The following GULP1 variants were observed in gnomAD, a reference collection of about 807,000 sequenced individuals.
GULP1 encodes GULP PTB domain containing engulfment adaptor 1.
In GULP1, 19 loss-of-function variants were observed where a neutral mutation model predicts 40.9. The ratio of observed to expected loss-of-function variants is 0.46; its 90% CI spans 0.32 to 0.68. The LOEUF (loss-of-function observed/expected upper bound fraction) is 0.68. Ranked by LOEUF, GULP1 falls within the 30% of genes least tolerant of loss-of-function variation. The pLI, the probability that GULP1 is intolerant of heterozygous loss-of-function variation, is 0.03. For missense variants in GULP1, 312 were observed against 362.2 expected (o/e 0.86, Z 1.12); for synonymous variants, 119 against 117.6 (o/e 1.01, Z -0.08).
In GULP1 at chr2:188,574,798, A is replaced by G. The variant is rs532955683; in HGVS notation, c.609+4678A>G. 2.0e-5 allele frequency among the ~76,000 whole-genome samples: 3 copies of G among 152,300 alleles called. No individual in the cohort carries two copies. In the East Asian group the frequency reaches 5.8e-4, roughly 29 times the overall value. ...CAAATCTACCAAATCGTCTAATAATATATTACAGTCTTATTGATGTTGATA... is the reference window on the plus strand; with the variant it reads ...CAAATCTACCAAATCGTCTAATAATGTATTACAGTCTTATTGATGTTGATA... On this transcript the variant is annotated intron_variant, in intron 9 of 11. Coordinates refer to ENST00000409830, the MANE Select transcript of GULP1 (RefSeq NM_016315.4).
chr2:188,492,054 A>G (rs889314853), intron 4 of GULP1, among the ~76,000 whole-genome samples: 4 of 152,064 alleles, frequency 2.6e-5, no homozygotes, highest in African/African-American at 9.7e-5. Flanking sequence ...AGTATATCAG[A>G]TAGTATTAAA....
intron 2 of GULP1, among the ~76,000 whole-genome samples, chr2:188,439,593 G>A (rs2057739169): frequency 6.6e-6 from 1 of 152,108 alleles, no homozygotes; most frequent in African/African-American, 2.4e-5. Flanking sequence ...ACTGGTGTGT[G>A]TGTGTATGCG....
At chr2:188,302,353 T>A (rs2036277734) in intron 1 of GULP1, among the ~76,000 whole-genome samples, 1 of 152,152 alleles carries the variant, frequency 6.6e-6, no homozygotes, top group Non-Finnish European at 1.5e-5. Context: ...AAATATAAAT[T>A]CATAATCTAA....
intron 4 of GULP1, among the ~76,000 whole-genome samples, chr2:188,507,446 T>C (rs944623729): frequency 4.7e-5 from 7 of 150,076 alleles, no homozygotes; most frequent in Non-Finnish European, 8.9e-5. Flanking sequence ...ATAATTTCTA[T>C]GGACAAACAT....
chr2:188,363,948 T>C (rs182087646), intron 1 of GULP1, among the ~76,000 whole-genome samples: 3 of 152,286 alleles, frequency 2.0e-5, no homozygotes, highest in Admixed American at 2.0e-4. Context: ...TTATATATTA[T>C]GTTCTATTAA....
chr2:188,449,442 A>G (rs1481942656), intron 2 of GULP1, among the ~76,000 whole-genome samples: 1 of 152,036 alleles, frequency 6.6e-6, no homozygotes, highest in Non-Finnish European at 1.5e-5. Context: ...CAATACATCT[A>G]TTTATTTTGC....
rs184762854 is a variant in GULP1 at position 188,398,530 on chromosome 2, T to C, written c.-45+14641T>C. Among the ~76,000 whole-genome samples the C allele has an allele frequency of 6.4e-3, 969 of 152,336 alleles. 9 individuals are homozygous for C. The highest frequency in any genetic ancestry group is 0.022 in the African/African-American group (920 of 41,592). On this transcript the variant is annotated intron_variant, in intron 2 of 11. Transcript: ENST00000409830. ...GAAGAGGTTTAAAGAGAAAGAGTTA[T>C]GTATATTTATGTAGTATGTAATTAT...
intron 7 of GULP1, among the ~76,000 whole-genome samples, chr2:188,552,393 C>T (rs1693703504): frequency 1.3e-5 from 2 of 151,796 alleles, no homozygotes; most frequent in Non-Finnish European, 2.9e-5. Flanking sequence ...ATTTTCCCAG[C>T]ACCATTAATT....
intron 1 of GULP1, among the ~76,000 whole-genome samples, chr2:188,322,459 T>C (rs912283386): frequency 6.6e-6 from 1 of 152,118 alleles, no homozygotes; most frequent in Admixed American, 6.6e-5. Flanking sequence ...TTCAGCTTAA[T>C]TCTAGATCTC....
chr2:188,552,428 T>C (rs1335771263), intron 7 of GULP1, among the ~76,000 whole-genome samples: 1 of 151,900 alleles, frequency 6.6e-6, no homozygotes, highest in African/African-American at 2.4e-5. Flanking sequence ...TTCTCCAGTG[T>C]AACTTCTTTT....
intron 7 of GULP1, among the ~76,000 whole-genome samples, chr2:188,559,340 C>T (rs1204498589): frequency 6.6e-6 from 1 of 152,166 alleles, no homozygotes; most frequent in African/African-American, 2.4e-5. Flanking sequence ...CGTTTTGGAC[C>T]TCCACAGAAG....
chr2:188,589,785 CT>C, intron 11 of GULP1: 1 of 1,207,416 alleles, frequency 8.3e-7, no homozygotes, highest in Non-Finnish European at 1.1e-6. Flanking sequence ...TTTTAAACAA[CT>C]TACAAATTTT....
At chr2:188,468,323 C>A (rs905361074) in intron 2 of GULP1, among the ~76,000 whole-genome samples, 3 of 151,884 alleles carry the variant, frequency 2.0e-5, no homozygotes, top group African/African-American at 7.3e-5. Flanking sequence ...ACTGGATAAC[C>A]TTAGAGAATT....
chr2:188,541,149 T>G, intron 6 of GULP1, 32 bp from the exon 7 acceptor site: 5 of 1,587,660 alleles, frequency 3.1e-6, no homozygotes, highest in Non-Finnish European at 4.3e-6. Flanking sequence ...AAGAATCCCA[T>G]CAACTATGTT....
chr2:188,463,116 A>G (rs2059842685), intron 2 of GULP1, among the ~76,000 whole-genome samples: 1 of 152,074 alleles, frequency 6.6e-6, no homozygotes, highest in Admixed American at 6.5e-5. Context: ...TGAGTTTTGT[A>G]TCTTCATTAA....
chr2:188,571,424 ACCTCCC>A (rs1699012364), intron 9 of GULP1, among the ~76,000 whole-genome samples: 1 of 152,136 alleles, frequency 6.6e-6, no homozygotes, highest in Non-Finnish European at 1.5e-5. Flanking sequence ...ACATTTTTCC[ACCTCCC>A]ATTTGAAAGA....
At chr2:188,310,887 T>G (rs185851038) in intron 1 of GULP1, among the ~76,000 whole-genome samples, 3 of 152,298 alleles carry the variant, frequency 2.0e-5, no homozygotes, top group South Asian at 2.1e-4. Context: ...TTAGAAGAGA[T>G]AGAAAAGAAA....
chr2:188,368,102 A>G (rs189501740), intron 1 of GULP1, among the ~76,000 whole-genome samples: 2 of 152,028 alleles, frequency 1.3e-5, no homozygotes, highest in African/African-American at 4.8e-5. Flanking sequence ...GCTGCAGGGT[A>G]TGATTTTGTA....
intron 2 of GULP1, among the ~76,000 whole-genome samples, chr2:188,455,565 C>T (rs1205223777): frequency 6.6e-6 from 1 of 152,142 alleles, no homozygotes; most frequent in African/African-American, 2.4e-5. Context: ...TGAGGCCTCC[C>T]CAGCCATGTG....
Sources: allele counts gnomAD v4.1 joint callset (sites outside exome capture counted in the v4.1 genomes callset), GRCh38; gene constraint gnomAD v4.1.1; transcripts MANE v1.5; gene names NCBI Gene and HGNC (gene_info 2026-07-23, HGNC 2026-07-21).